COL11A2: variants seen among roughly 807,000 people sequenced by gnomAD.
COL11A2 encodes the protein collagen type XI alpha 2 chain.
In COL11A2, 116 loss-of-function variants were observed where a neutral mutation model predicts 273.4. That is an observed-to-expected ratio of 0.42 (90% CI 0.36 to 0.49). The LOEUF (loss-of-function observed/expected upper bound fraction) is 0.49, where lower values mean the gene tolerates loss of function less well. Among genes scored for constraint, COL11A2 ranks in the 20% least tolerant of loss-of-function variants. The probability of loss-of-function intolerance (pLI) is 0.00; values close to 1 mark genes in which losing one functional copy is unlikely to be tolerated. For missense variants in COL11A2, 1,866 were observed against 2,309.0 expected (o/e 0.81, Z 3.93); for synonymous variants, 782 against 864.2 (o/e 0.90, Z 1.67).
chr6:33,188,852 G>A, intron 3 of COL11A2, 126 bp downstream of exon 3: 1 of 1,103,642 alleles, frequency 9.1e-7, no homozygotes, highest in South Asian at 1.2e-5. Flanking sequence ...ACTGAAGTTT[G>A]GGCAGTGGGT....
In COL11A2 at chr6:33,165,759, G is replaced by C; in HGVS notation, c.4540C>G (p.Arg1514Gly). The C allele has an allele frequency of 1.2e-6, 2 of 1,612,636 alleles. No homozygotes were observed. The highest frequency in any genetic ancestry group is 1.7e-6 in the Non-Finnish European group (2 of 1,180,000). ...ATCAGACGGCTTCCATCCACCGAGCGCCGAGTCTTCTTGGGCATCTGAATG... is the reference window on the plus strand; with the variant it reads ...ATCAGACGGCTTCCATCCACCGAGCCCCGAGTCTTCTTGGGCATCTGAATG... ...LPIQMPKKTR[R>G]SVDGSRLMQE... Residue 1514 changes from arginine (R) to glycine (G), a missense_variant, in exon 63 of 66, where the codon CGC becomes GGC. Coordinates refer to ENST00000341947, the MANE Select transcript of COL11A2 (RefSeq NM_080680.3). The surrounding 1 kb of genome is among the most constrained non-coding windows in gnomAD (Gnocchi z 7.7).
Position 33,179,691 on chromosome 6 carries a change from C to T in COL11A2, c.1446+28G>A. On this transcript the variant is annotated intron_variant, in intron 13 of 65. Coordinates refer to ENST00000341947, the MANE Select transcript of COL11A2 (RefSeq NM_080680.3). This position sits in a 1 kb window ranked among gnomAD's most constrained non-coding sequence, Gnocchi z 6.4. ...CCCTTCCAGTGCCCCCCAGAGCCTTCCCTTTCCAGGGAAGCAGCCCCACTC... is the reference window on the plus strand; with the variant it reads ...CCCTTCCAGTGCCCCCCAGAGCCTTTCCTTTCCAGGGAAGCAGCCCCACTC... 1 of 1,609,864 alleles carries T rather than the reference C, an allele frequency of 6.2e-7. No individual in the cohort carries two copies. Among genetic ancestry groups the T allele is most frequent in the Non-Finnish European group, 8.5e-7 (1 of 1,179,538 alleles).
Position 33,169,845 on chromosome 6 carries a change from C to G in COL11A2, c.3676G>C (p.Glu1226Gln). ...CTGTCACTCACCTTGACACCTGGCT[C>G]GCCCTGGATCCCTGGAGATCCTGAC... ...GESGSPGIQG[E>Q]PGVKGPRGER... The change falls in exon 50 of 66, where the codon GAG (glutamate) becomes CAG (glutamine). Residue 1226 changes from glutamate to glutamine, a missense_variant. Transcript: ENST00000341947. This position sits in a 1 kb window ranked among gnomAD's most constrained non-coding sequence, Gnocchi z 5.5. 6.2e-7 allele frequency: 1 copy of G among 1,614,048 alleles called. No homozygotes were observed. The highest frequency in any genetic ancestry group is 8.5e-7 in the Non-Finnish European group (1 of 1,179,990).
chr6:33,178,636 A>C lies in COL11A2; in HGVS notation c.1719+43T>G, dbSNP rs1771263375. The C allele has an allele frequency of 6.2e-7, 1 of 1,610,740 alleles. No individual in the cohort carries two copies. The highest frequency in any genetic ancestry group is 8.5e-7 in the Non-Finnish European group (1 of 1,178,220). ...CCCTACCTATCCTCACTCCCATAGA[A>C]GATCTATCCCCAATTACAACACACA... On this transcript the variant is annotated intron_variant, in intron 18 of 65. Coordinates refer to ENST00000341947, the MANE Select transcript of COL11A2 (RefSeq NM_080680.3). This position sits in a 1 kb window ranked among gnomAD's most constrained non-coding sequence, Gnocchi z 4.6.
Position 33,177,920 on chromosome 6 carries a change from G to C in COL11A2, c.1872+212C>G. On this transcript the variant is annotated intron_variant, in intron 21 of 65. Coordinates refer to ENST00000341947, the MANE Select transcript of COL11A2 (RefSeq NM_080680.3). This position sits in a 1 kb window ranked among gnomAD's most constrained non-coding sequence, Gnocchi z 5.9. ...TTTTTCTTGAAGATTTATTTCCTAT[G>C]CCCAGAGCCCTCAGGGCACCACGCC... is the stretch of plus-strand genomic sequence containing the variant. 1.3e-6 allele frequency: 1 copy of C among 760,094 alleles called. No homozygotes were observed. Among genetic ancestry groups the C allele is most frequent in the Non-Finnish European group, 2.2e-6 (1 of 458,622 alleles). The allele number at this position is 760,094 out of a possible 1,614,324, so 47.1% of individuals were successfully genotyped here. A position where few individuals can be genotyped will look rare whatever the true frequency, so the allele number is the denominator to read the frequency against.
rs1456782404 is a variant in COL11A2, at chr6:33,170,128, T to C, written c.3583-28A>G. 6.2e-7 allele frequency: 1 copy of C among 1,612,848 alleles called. No homozygotes were observed. The highest frequency in any genetic ancestry group is 8.5e-7 in the Non-Finnish European group (1 of 1,179,918). On this transcript the variant is annotated intron_variant, in intron 48 of 65. Coordinates refer to ENST00000341947, the MANE Select transcript of COL11A2 (RefSeq NM_080680.3). This position sits in a 1 kb window ranked among gnomAD's most constrained non-coding sequence, Gnocchi z 4.3. The stretch of plus-strand genomic sequence containing the variant: ...GGAAGAGGAACAGAAATAGGTGTCA[T>C]TGCTTAGGATGGAGGTGCCATTTCA...
In COL11A2 at chr6:33,172,391, G is replaced by C; in HGVS notation, c.2899-13C>G. On this transcript the variant is annotated splice_polypyrimidine_tract_variant and intron_variant, in intron 39 of 65. Coordinates refer to ENST00000341947, the MANE Select transcript of COL11A2 (RefSeq NM_080680.3). The stretch of plus-strand genomic sequence containing the variant: ...GACCAGGGTCACCCTAAAAGGAAAG[G>C]AGAGGTGATGAGCCACAGCCATGCT... 6.3e-7 allele frequency: 1 copy of C among 1,576,802 alleles called. No individual in the cohort carries two copies.
chr6:33,168,708 G>A lies in COL11A2; in HGVS notation c.3904C>T (p.Pro1302Ser), dbSNP rs1480300821. 6.3e-7 allele frequency: 1 copy of A among 1,591,154 alleles called. No homozygotes were observed. Among genetic ancestry groups the A allele is most frequent in the Non-Finnish European group, 8.6e-7 (1 of 1,168,468 alleles). Residue 1302 changes from proline (P) to serine (S), a missense_variant and splice_region_variant, in exon 53 of 66, where the codon CCT becomes TCT. Physicochemically the swap from Pro to Ser is moderately conservative, Grantham distance 74. Coordinates refer to ENST00000341947, the MANE Select transcript of COL11A2 (RefSeq NM_080680.3). ...DRGEDGEPGQPGSPGPTGENG... is the reference protein window; with the variant it reads ...DRGEDGEPGQSGSPGPTGENG... ...TGGTGGGGTCACCAGGCACTCACAG[G>A]CTGTCCTGGCTCACCATCCTCGCCT...
At position 33,179,457 on chromosome 6, in the gene COL11A2, C is replaced by T. The variant is rs1358207237; in HGVS notation, c.1477G>A (p.Gly493Arg). The T allele has an allele frequency of 6.4e-7, 1 of 1,568,338 alleles. No individual in the cohort carries two copies. ...AAGGGTCCAGGGCGCCCTGTGTATC[C>T]CATGGGGCCAGGGGGTCCACGGAGC... is the stretch of plus-strand genomic sequence containing the variant. ...LALRGPPGPM[G>R]YTGRPGPLGQ... Residue 493 changes from glycine (G) to arginine (R), a missense_variant, in exon 14 of 66, where the codon GGA becomes AGA. Transcript: ENST00000341947. The surrounding 1 kb of genome is among the most constrained non-coding windows in gnomAD (Gnocchi z 6.4).
rs1276352954 is a variant in COL11A2 at position 33,187,561 on chromosome 6, G to A, written c.607-743C>T. Reference sequence around the variant, plus strand: ...TGGATGGGTGGCTGGGGGCTTACATGCATTAATGAATGGGAGCATTGATAA... The same window carrying A: ...TGGATGGGTGGCTGGGGGCTTACATACATTAATGAATGGGAGCATTGATAA... On this transcript the variant is annotated intron_variant, in intron 4 of 65. Coordinates refer to ENST00000341947, the MANE Select transcript of COL11A2 (RefSeq NM_080680.3). Among the ~76,000 whole-genome samples, 13 of 152,248 alleles carry A rather than the reference G, an allele frequency of 8.5e-5. No individual in the cohort carries two copies. The South Asian group carries it at 2.7e-3, about 32-fold the overall frequency.
At position 33,164,453 on chromosome 6, in the gene COL11A2, C is replaced by G. The variant is rs2229790; in HGVS notation, c.4884G>C (p.Glu1628Asp). The G allele has an allele frequency of 7.7e-4, 1,210 of 1,567,366 alleles. 137 individuals are homozygous for G. Among genetic ancestry groups the G allele is most frequent in the South Asian group, 4.6e-3 (397 of 85,870 alleles). Residue 1628 changes from glutamate (E) to aspartate (D), a missense_variant, in exon 65 of 66, where the codon GAG becomes GAC. By Grantham distance (45) the Glu-to-Asp change is conservative. Coordinates refer to ENST00000341947, the MANE Select transcript of COL11A2 (RefSeq NM_080680.3). This position sits in a 1 kb window ranked among gnomAD's most constrained non-coding sequence, Gnocchi z 4.7. Reference sequence around the variant, plus strand: ...GCTGGACCACACCCACTGGGGAGCCCTCTGAGTCCACGTAAGAGAACTGGA... The same window carrying G: ...GCTGGACCACACCCACTGGGGAGCCGTCTGAGTCCACGTAAGAGAACTGGA... ...DVTQFSYVDS[E>D]GSPVGVVQLT...
In COL11A2 at chr6:33,166,089, G is replaced by C. The variant is rs1054481327; in HGVS notation, c.4428+82C>G. 8 of 1,601,800 alleles carry C rather than the reference G, an allele frequency of 5.0e-6. No individual in the cohort carries two copies. Among genetic ancestry groups the C allele is most frequent in the Admixed American group, 3.4e-5 (2 of 58,090 alleles). On this transcript the variant is annotated intron_variant, in intron 61 of 65. Coordinates refer to ENST00000341947, the MANE Select transcript of COL11A2 (RefSeq NM_080680.3). The surrounding 1 kb of genome is among the most constrained non-coding windows in gnomAD (Gnocchi z 4.8). ...CCTGGCTGGAATAAGGGGCTCCTTG[G>C]GGGGAGTCTATTTGTCCTGGAGAGA... is the stretch of plus-strand genomic sequence containing the variant.
chr6:33,180,014 T>C (rs1425407654), intron 12 of COL11A2, among the ~76,000 whole-genome samples: 2 of 152,240 alleles, frequency 1.3e-5, no homozygotes, highest in African/African-American at 4.8e-5. Context: ...AAAGACTCTC[T>C]TTTGGTTCTA....
rs1471957549 is a variant in COL11A2 at position 33,177,961 on chromosome 6, T to G, written c.1872+171A>C. ...GCACCACGCCACATGGCCCTCCCTG[T>G]GCACGGGGAGCGAATGCTGAGGCAG... is the stretch of plus-strand genomic sequence containing the variant. On this transcript the variant is annotated intron_variant, in intron 21 of 65. Transcript: ENST00000341947. The surrounding 1 kb of genome is among the most constrained non-coding windows in gnomAD (Gnocchi z 5.9). 1 of 816,546 alleles carries G rather than the reference T, an allele frequency of 1.2e-6. No homozygotes were observed. The highest frequency in any genetic ancestry group is 2.5e-5 in the Admixed American group (1 of 40,044). The allele number at this position is 816,546 out of a possible 1,614,324, so 50.6% of individuals were successfully genotyped here.
In COL11A2 at chr6:33,173,174, C is replaced by T; in HGVS notation, c.2737-61G>A. 6.4e-7 allele frequency: 1 copy of T among 1,574,618 alleles called. No homozygotes were observed. The highest frequency in any genetic ancestry group is 1.1e-5 in the South Asian group (1 of 87,566). ...GGTGTGGGCGCTGTGGGGCAGATTC[C>T]CAGGAGGAAGGATCCCAGGCAGGAT... On this transcript the variant is annotated intron_variant, in intron 37 of 65. Transcript: ENST00000341947. This position sits in a 1 kb window ranked among gnomAD's most constrained non-coding sequence, Gnocchi z 6.3.
At chr6:33,186,455 C>T in intron 5 of COL11A2, 172 bp downstream of exon 5, 1 of 1,453,222 alleles carries the variant, frequency 6.9e-7, no homozygotes, top group Non-Finnish European at 9.1e-7. Flanking sequence ...TTCTTCATAA[C>T]AACTCTTTTT....
chr6:33,186,334 C>G, intron 5 of COL11A2: 1 of 1,309,772 alleles, frequency 7.6e-7, no homozygotes, highest in East Asian at 2.6e-5. Context: ...ACCCCTCTCC[C>G]ACTGTCTCCC....
Position 33,175,535 on chromosome 6 carries a change from C to A in COL11A2, c.2376+39G>T, listed in dbSNP as rs1327581830. ...GCCCATCCTGACCCCAGTGCCCACACCCCCAGAGGACCCAGGCACAGAACC... is the reference window on the plus strand; with the variant it reads ...GCCCATCCTGACCCCAGTGCCCACAACCCCAGAGGACCCAGGCACAGAACC... On this transcript the variant is annotated intron_variant, in intron 30 of 65. Coordinates refer to ENST00000341947, the MANE Select transcript of COL11A2 (RefSeq NM_080680.3). 1.0e-5 allele frequency: 16 copies of A among 1,577,480 alleles called. 1 individual carries two copies. The highest frequency in any genetic ancestry group is 4.5e-5 in the East Asian group (2 of 44,706).
At chr6:33,192,475 G>A, upstream of COL11A2, 1 of 573,280 alleles carries the variant, frequency 1.7e-6, no homozygotes, top group Non-Finnish European at 3.1e-6. Flanking sequence ...TGTGTCCCCG[G>A]CCACCCTGGC....
Sources: gnomAD v4.1 joint callset for allele counts (sites outside exome capture counted in the v4.1 genomes callset) on GRCh38, gnomAD v4.1.1 for gene constraint, Gnocchi (gnomAD v3.1) non-coding constraint, MANE v1.5 for transcripts, NCBI Gene and HGNC (gene_info 2026-07-23, HGNC 2026-07-21) for gene names.